The following HOXC6 variants were observed in gnomAD, a reference collection of about 807,000 sequenced individuals.
HOXC6 encodes the protein homeobox protein Hox-C6.
In HOXC6, 10 loss-of-function variants were observed where a neutral mutation model predicts 24.0. That is an observed-to-expected ratio of 0.42 (90% CI 0.26 to 0.71). The LOEUF (loss-of-function observed/expected upper bound fraction) is 0.71, where lower values mean the gene tolerates loss of function less well. Among genes scored for constraint, HOXC6 ranks in the 30% least tolerant of loss-of-function variants. The probability of loss-of-function intolerance (pLI) is 0.28; values close to 1 mark genes in which losing one functional copy is unlikely to be tolerated. For synonymous variants in HOXC6, 123 were observed against 128.1 expected (o/e 0.96, Z 0.27); for missense variants, 258 against 303.4 (o/e 0.85, Z 1.11).
chr12:54,018,115 G>A (rs1010541113), intron 1 of HOXC6, among the ~76,000 whole-genome samples: 13 of 152,080 alleles, frequency 8.5e-5, no homozygotes, highest in African/African-American at 2.9e-4. Context: ...CGGGCGGATG[G>A]AAGGGTGGGA....
At chr12:54,027,019 C>T (rs368497319), upstream of HOXC6, among the ~76,000 whole-genome samples, 28 of 150,672 alleles carry the variant, frequency 1.9e-4, no homozygotes, top group African/African-American at 6.8e-4. Flanking sequence ...CACCACCCTT[C>T]TTTGTCAACT....
chr12:54,023,598 A>G (rs993479448), upstream of HOXC6, among the ~76,000 whole-genome samples: 3 of 152,102 alleles, frequency 2.0e-5, no homozygotes, highest in African/African-American at 7.2e-5. Context: ...AACATGCCCA[A>G]TCTGCCCTCT....
At position 54,028,449 on chromosome 12, in the gene HOXC6, T is replaced by C; in HGVS notation, c.-73T>C. 6.7e-7 allele frequency: 1 copy of C among 1,501,152 alleles called. No individual in the cohort carries two copies. Among genetic ancestry groups the C allele is most frequent in the South Asian group, 1.3e-5 (1 of 78,188 alleles). 93.0% of individuals were successfully genotyped at this position (1,501,152 alleles called of 1,614,324 possible). A position where few individuals can be genotyped will look rare whatever the true frequency, so the allele number is the denominator to read the frequency against. Reference sequence around the variant, plus strand: ...GATTGGAGCCGTCCCTATAACCATCTAGTTCCGAGTACAAACTGGAGACAG... The same window carrying C: ...GATTGGAGCCGTCCCTATAACCATCCAGTTCCGAGTACAAACTGGAGACAG... On this transcript the variant is annotated 5_prime_UTR_variant, in exon 1 of 2. Coordinates refer to ENST00000243108, the MANE Select transcript of HOXC6 (RefSeq NM_004503.4).
rs1343746810 is a variant in HOXC6, at chr12:54,030,816, A to G, written c.*854A>G. On this transcript the variant is annotated 3_prime_UTR_variant, in exon 2 of 2. Transcript: ENST00000243108. The stretch of plus-strand genomic sequence containing the variant: ...TTTAATAAAACTGATATTATTTTTA[A>G]AACTTTATACCGGGAATTCTGTTAA... 6.6e-6 allele frequency: 1 copy of G among 152,268 alleles called. No individual in the cohort carries two copies. The allele number at this position is 152,268 out of a possible 1,614,324, so 9.4% of individuals were successfully genotyped here.
chr12:54,029,619 G>T, intron 1 of HOXC6, 36 bp from the exon 2 acceptor site: 1 of 1,593,016 alleles, frequency 6.3e-7, no homozygotes, highest in East Asian at 2.2e-5. Context: ...ACGCTTTGCT[G>T]ATTGCTTTTA....
In HOXC6 at chr12:54,021,923, C is replaced by A. The variant is rs1028333908; in HGVS notation, c.-193+4509C>A. On this transcript the variant is annotated intron_variant, in intron 1 of 2. Transcript: ENST00000394331. ...GACTCCCTCCCCTTTCCAGCAACCCCCTCCTGCCCTCACAAGCTCCTGCAT... is the reference window on the plus strand; with the variant it reads ...GACTCCCTCCCCTTTCCAGCAACCCACTCCTGCCCTCACAAGCTCCTGCAT... 103 of 152,448 alleles carry A rather than the reference C, an allele frequency of 6.8e-4. 1 individual carries two copies. The highest frequency in any genetic ancestry group is 2.5e-3 in the African/African-American group (102 of 41,576). 9.4% of individuals were successfully genotyped at this position (152,448 alleles called of 1,614,324 possible). A position where few individuals can be genotyped will look rare whatever the true frequency, so the allele number is the denominator to read the frequency against.
Position 54,029,707 on chromosome 12 carries a change from C to T in HOXC6, c.453C>T (p.Tyr151=), listed in dbSNP as rs773485388. The change falls in exon 2 of 2, where the codon TAC becomes TAT. Residue 151 remains tyrosine, a synonymous_variant. Coordinates refer to ENST00000243108, the MANE Select transcript of HOXC6 (RefSeq NM_004503.4). ...GCGGCCGCCAGATCTACTCGCGGTA[C>T]CAGACCCTGGAACTGGAGAAGGAAT... ...RRRGRQIYSR[Y]QTLELEKEFH... is the part of the protein sequence containing the mutation. 10 of 1,614,206 alleles carry T rather than the reference C, an allele frequency of 6.2e-6. No homozygotes were observed. The highest frequency in any genetic ancestry group is 1.6e-4 in the Middle Eastern group (1 of 6,062).
At chr12:54,019,305 C>T (rs544347113) in intron 1 of HOXC6, among the ~76,000 whole-genome samples, 2 of 152,230 alleles carry the variant, frequency 1.3e-5, no homozygotes, top group East Asian at 1.9e-4. Flanking sequence ...GCCGCCTGCT[C>T]AGGCTGCCGC....
chr12:54,017,262 T>C (rs1352241816), exon 1 of HOXC6: 4 of 152,216 alleles, frequency 2.6e-5, no homozygotes, highest in African/African-American at 9.7e-5. Context: ...TGGATGATTA[T>C]AATTATTTTT....
At position 54,020,561 on chromosome 12, in the gene HOXC6, A is replaced by G. The variant is rs571526534; in HGVS notation, c.-193+3147A>G. 3 of 152,340 alleles carry G rather than the reference A, an allele frequency of 2.0e-5. No individual in the cohort carries two copies. The South Asian group carries it at 6.2e-4, about 32-fold the overall frequency. 9.4% of individuals were successfully genotyped at this position (152,340 alleles called of 1,614,324 possible). On this transcript the variant is annotated intron_variant, in intron 1 of 2. Transcript: ENST00000394331. Reference sequence around the variant, plus strand: ...ATATATTTATTATATACAGGCTTAAATATACAGACTCAGGCTTATGCATGA... The same window carrying G: ...ATATATTTATTATATACAGGCTTAAGTATACAGACTCAGGCTTATGCATGA...
At chr12:54,024,151 CG>C (rs1388126666), upstream of HOXC6, among the ~76,000 whole-genome samples, 1 of 152,184 alleles carries the variant, frequency 6.6e-6, no homozygotes, top group African/African-American at 2.4e-5. Flanking sequence ...CGGCTTTCTC[CG>C]TAAGAGGGAT....
At chr12:54,018,456 G>A (rs1378354516) in intron 1 of HOXC6, among the ~76,000 whole-genome samples, 1 of 152,246 alleles carries the variant, frequency 6.6e-6, no homozygotes, top group East Asian at 1.9e-4. Flanking sequence ...GGGGCTGCTG[G>A]CTTATGGGGT....
chr12:54,027,193 C>T (rs1592229728), upstream of HOXC6, among the ~76,000 whole-genome samples: 1 of 152,276 alleles, frequency 6.6e-6, no homozygotes, highest in Non-Finnish European at 1.5e-5. Context: ...TTTTTTTAGC[C>T]CCAAGATGGG....
Position 54,029,762 on chromosome 12 carries a change from C to G in HOXC6, c.508C>G (p.Arg170Gly). 1 of 1,614,124 alleles carries G rather than the reference C, an allele frequency of 6.2e-7. No homozygotes were observed. ...FHFNRYLTRRRRIEIANALCL... is the reference protein window; with the variant it reads ...FHFNRYLTRRGRIEIANALCL... ...CTTCAATCGCTACCTAACGCGGCGC[C>G]GGCGCATCGAGATCGCCAACGCGCT... The change falls in exon 2 of 2, where the codon CGG (arginine) becomes GGG (glycine). Residue 170 changes from arginine to glycine, a missense_variant. By Grantham distance (125) the Arg-to-Gly change is moderately radical (BLOSUM62 -2). Transcript: ENST00000243108.
rs1295500813 is a variant in HOXC6, at chr12:54,030,293, CA to C, written c.*332del. 5.6e-6 allele frequency: 1 copy of C among 178,292 alleles called. No individual in the cohort carries two copies. Among genetic ancestry groups the C allele is most frequent in the East Asian group, 1.3e-4 (1 of 7,470 alleles). The allele number at this position is 178,292 out of a possible 1,614,324, so 11.0% of individuals were successfully genotyped here. ...CCTCCAAGTGAGGACTTGGCTCCCC[CA>C]CTCCTTCGACGCCCCCACCCCCGCC... On this transcript the variant is annotated 3_prime_UTR_variant, in exon 2 of 2. Coordinates refer to ENST00000243108, the MANE Select transcript of HOXC6 (RefSeq NM_004503.4).
chr12:54,017,507 G>A (rs186474589), intron 1 of HOXC6: 45 of 152,146 alleles, frequency 3.0e-4, no homozygotes, highest in African/African-American at 1.0e-3. Context: ...TTAGGGAGAA[G>A]AGGGGGCTGG....
chr12:54,018,331 G>C (rs895003698), intron 1 of HOXC6, among the ~76,000 whole-genome samples: 7 of 152,234 alleles, frequency 4.6e-5, no homozygotes, highest in African/African-American at 1.7e-4. Context: ...CTCTGGGCTA[G>C]GACCTGCCTC....
rs565754932 is a variant in HOXC6, at chr12:54,029,679, G to A, written c.425G>A (p.Arg142Lys). ...HSGVGYGADR[R>K]RGRQIYSRYQ... The stretch of plus-strand genomic sequence containing the variant: ...GGGGTCGGCTACGGAGCGGACCGGA[G>A]GCGCGGCCGCCAGATCTACTCGCGG... The change falls in exon 2 of 2, where the codon AGG (arginine) becomes AAG (lysine). Residue 142 changes from arginine (R) to lysine (K), a missense_variant. By Grantham distance (26) the Arg-to-Lys change is conservative. Coordinates refer to ENST00000243108, the MANE Select transcript of HOXC6 (RefSeq NM_004503.4). 63 of 1,613,714 alleles carry A rather than the reference G, an allele frequency of 3.9e-5. No homozygotes were observed. In the African/African-American group the frequency reaches 7.5e-4, roughly 19 times the overall value.
intron 1 of HOXC6, among the ~76,000 whole-genome samples, chr12:54,018,032 G>T (rs1004251803): frequency 3.3e-5 from 5 of 152,192 alleles, no homozygotes; most frequent in Admixed American, 3.3e-4. Flanking sequence ...TTGGCAATTA[G>T]GGGGGAGGCT....
Sources: allele counts gnomAD v4.1 joint callset (sites outside exome capture counted in the v4.1 genomes callset), GRCh38; gene constraint gnomAD v4.1.1; transcripts MANE v1.5; gene names NCBI Gene and HGNC (gene_info 2026-07-23, HGNC 2026-07-21).